Variants in RALYL observed in about 807,000 individuals in gnomAD.
RALYL encodes RALY RNA binding protein like.
A neutral mutation model predicts 35.1 loss-of-function variants in RALYL; 29 were observed. The observed-to-expected ratio is 0.83, with a 90% CI of 0.61 to 1.13. The LOEUF (loss-of-function observed/expected upper bound fraction) is 1.13. Ranked by LOEUF, RALYL falls within the 50% of genes most tolerant of loss-of-function variation. The probability of loss-of-function intolerance (pLI) is 0.00; values close to 1 mark genes in which losing one functional copy is unlikely to be tolerated. For synonymous variants in RALYL, 120 were observed against 127.6 expected (o/e 0.94, Z 0.40); for missense variants, 359 against 360.4 (o/e 1.00, Z 0.03).
At chr8:84,428,805 T>A (rs1301881940) in intron 1 of RALYL, among the ~76,000 whole-genome samples, 2 of 152,156 alleles carry the variant, frequency 1.3e-5, no homozygotes, top group Non-Finnish European at 2.9e-5. Context: ...CTACTCTACA[T>A]TTCCTAATTT....
At chr8:84,653,802 G>C (rs1829348331) in intron 2 of RALYL, among the ~76,000 whole-genome samples, 1 of 151,374 alleles carries the variant, frequency 6.6e-6, no homozygotes, top group Non-Finnish European at 1.5e-5. Context: ...AGGTGTGTTA[G>C]AATGTGTAAG....
chr8:84,367,378 C>A (rs1269238763), intron 1 of RALYL, among the ~76,000 whole-genome samples: 1 of 91,852 alleles, frequency 1.1e-5, no homozygotes, highest in African/African-American at 3.7e-5. Flanking sequence ...TTAGTAGAGG[C>A]AGGGTTTCAC....
At chr8:84,310,874 C>A (rs1196292752) in intron 1 of RALYL, among the ~76,000 whole-genome samples, 1 of 146,010 alleles carries the variant, frequency 6.8e-6, no homozygotes, top group Non-Finnish European at 1.5e-5. Context: ...GGTGAAACCC[C>A]GTCTCTACTA....
chr8:84,269,799 A>G (rs935516013), intron 1 of RALYL, among the ~76,000 whole-genome samples: 1 of 152,122 alleles, frequency 6.6e-6, no homozygotes, highest in African/African-American at 2.4e-5. Flanking sequence ...ATTGTGGATC[A>G]TAGGAAAAAA....
chr8:84,844,058 G>A lies in RALYL; in HGVS notation c.366-5922G>A, dbSNP rs1454513938. Among the ~76,000 whole-genome samples the A allele has an allele frequency of 3.9e-5, 6 of 151,998 alleles. No individual in the cohort carries two copies. The East Asian group carries it at 1.2e-3, about 29-fold the overall frequency. The stretch of plus-strand genomic sequence containing the variant: ...AATACCATTCAGGACATAGGCATGG[G>A]CAAGGACTTCATGTCTAAAACACCA... On this transcript the variant is annotated intron_variant, in intron 4 of 8. Transcript: ENST00000521268.
At chr8:84,612,409 T>C (rs1818504281) in intron 2 of RALYL, among the ~76,000 whole-genome samples, 1 of 151,990 alleles carries the variant, frequency 6.6e-6, no homozygotes, top group Non-Finnish European at 1.5e-5. Flanking sequence ...ACACTTTCCC[T>C]GTGACAAACT....
intron 2 of RALYL, among the ~76,000 whole-genome samples, chr8:84,655,813 A>G (rs975871044): frequency 1.2e-4 from 18 of 152,188 alleles, no homozygotes; most frequent in African/African-American, 4.3e-4. Context: ...TAGAATGAAA[A>G]AATAGATTGT....
chr8:84,482,557 A>G (rs1425415398), intron 1 of RALYL, among the ~76,000 whole-genome samples: 1 of 152,096 alleles, frequency 6.6e-6, no homozygotes, highest in Non-Finnish European at 1.5e-5. Context: ...GTAACTGGCC[A>G]CACTTAAGCC....
At chr8:84,848,129 G>T (rs912986205) in intron 4 of RALYL, among the ~76,000 whole-genome samples, 1 of 152,072 alleles carries the variant, frequency 6.6e-6, no homozygotes, top group Non-Finnish European at 1.5e-5. Flanking sequence ...ATTACCATAT[G>T]ACCGAGCAAT....
intron 3 of RALYL, among the ~76,000 whole-genome samples, chr8:84,792,416 C>G (rs1821001213): frequency 6.6e-6 from 1 of 152,210 alleles, no homozygotes; most frequent in African/African-American, 2.4e-5. Flanking sequence ...CTCTCTGCTG[C>G]ACCGTTCTGC....
chr8:84,437,872 G>T (rs2047910055), intron 1 of RALYL, among the ~76,000 whole-genome samples: 1 of 152,058 alleles, frequency 6.6e-6, no homozygotes, highest in Admixed American at 6.6e-5. Context: ...TAAGTTTCCA[G>T]AGGCCTCCCT....
intron 1 of RALYL, among the ~76,000 whole-genome samples, chr8:84,367,321 T>TGTTTTTG (rs1563799958): frequency 0.028 from 318 of 11,292 alleles, 16 homozygotes; most frequent in Non-Finnish European, 0.038. Context: ...TTTTTGTATT[T>TGTTTTTG]TTTTTTTTTT....
chr8:84,457,314 A>G (rs2050245441), intron 1 of RALYL, among the ~76,000 whole-genome samples: 1 of 152,008 alleles, frequency 6.6e-6, no homozygotes, highest in Admixed American at 6.6e-5. Context: ...GCTCTGGATA[A>G]TATAAATAAT....
rs539434311 is a variant in RALYL, at chr8:84,561,651, A to C, written c.256+32074A>C. On this transcript the variant is annotated intron_variant, in intron 2 of 8. Transcript: ENST00000521268. ...GCACTTTGGGGCCATTATTCAGCAAAATAAGGGTTACTTGAATACAGCCAC... is the reference window on the plus strand; with the variant it reads ...GCACTTTGGGGCCATTATTCAGCAACATAAGGGTTACTTGAATACAGCCAC... Among the ~76,000 whole-genome samples, 133 of 152,070 alleles carry C rather than the reference A, an allele frequency of 8.7e-4. 3 individuals are homozygous for C. In the South Asian group the frequency reaches 0.024, roughly 28 times the overall value.
chr8:84,185,260 A>G, intron 1 of RALYL: 2 of 556,948 alleles, frequency 3.6e-6, no homozygotes, highest in South Asian at 4.3e-5. Context: ...TTTTATTTAA[A>G]TTTTGTTAAA....
intron 2 of RALYL, among the ~76,000 whole-genome samples, chr8:84,637,527 T>C (rs1825326563): frequency 1.3e-5 from 2 of 151,980 alleles, no homozygotes; most frequent in South Asian, 4.1e-4. Flanking sequence ...AAAGTGACTT[T>C]ATTTACCAAA....
At chr8:84,599,284 A>G (rs1815344381) in intron 2 of RALYL, among the ~76,000 whole-genome samples, 1 of 152,060 alleles carries the variant, frequency 6.6e-6, no homozygotes, top group Non-Finnish European at 1.5e-5. Context: ...GAAATATTTT[A>G]TATATTTAAT....
chr8:84,304,218 C>T (rs936478403), intron 1 of RALYL, among the ~76,000 whole-genome samples: 3 of 151,962 alleles, frequency 2.0e-5, no homozygotes, highest in Non-Finnish European at 2.9e-5. Flanking sequence ...CCCGGGTTCA[C>T]GCCATTGTCC....
At chr8:84,650,970 A>T (rs923608902) in intron 2 of RALYL, among the ~76,000 whole-genome samples, 1 of 151,972 alleles carries the variant, frequency 6.6e-6, no homozygotes, top group African/African-American at 2.4e-5. Flanking sequence ...CTATCACAAG[A>T]ACAAAAAACC....
Sources: allele counts gnomAD v4.1 joint callset (sites outside exome capture counted in the v4.1 genomes callset), GRCh38; gene constraint gnomAD v4.1.1; transcripts MANE v1.5; gene names NCBI Gene and HGNC (gene_info 2026-07-23, HGNC 2026-07-21).